Variants in VTI1A observed in about 807,000 individuals in gnomAD.
VTI1A encodes the protein vesicle transport through interaction with t-SNAREs 1A.
VTI1A carries 22 observed loss-of-function variants against 34.9 expected under a neutral mutation model. That is an observed-to-expected ratio of 0.63 (90% CI 0.45 to 0.90). The LOEUF (loss-of-function observed/expected upper bound fraction) is 0.90, where lower values mean the gene tolerates loss of function less well. Among genes scored for constraint, VTI1A ranks in the 40% least tolerant of loss-of-function variants. The pLI, the probability that VTI1A is intolerant of heterozygous loss-of-function variation, is 0.00. For missense variants in VTI1A, 268 were observed against 275.6 expected (o/e 0.97, Z 0.20); for synonymous variants, 87 against 97.3 (o/e 0.89, Z 0.62).
chr10:112,804,806 CACCACATAAT>C (rs1279433940), intron 7 of VTI1A, among the ~76,000 whole-genome samples: 1 of 151,406 alleles, frequency 6.6e-6, no homozygotes, highest in African/African-American at 2.4e-5. Context: ...TGTCGAAGAC[CACCACATAAT>C]TTAACCAAGG....
chr10:112,482,296 C>A (rs941261095), intron 3 of VTI1A, among the ~76,000 whole-genome samples: 1 of 152,080 alleles, frequency 6.6e-6, no homozygotes, highest in Non-Finnish European at 1.5e-5. Flanking sequence ...TGTGTAATTT[C>A]AAAATGTTTT....
chr10:112,755,500 C>T (rs564587855), intron 7 of VTI1A, among the ~76,000 whole-genome samples: 1 of 152,252 alleles, frequency 6.6e-6, no homozygotes, highest in East Asian at 1.9e-4. Context: ...TTATAACTTA[C>T]CAGGGTCTGC....
At chr10:112,677,234 T>A (rs558039033) in intron 7 of VTI1A, among the ~76,000 whole-genome samples, 2 of 152,074 alleles carry the variant, frequency 1.3e-5, no homozygotes, top group African/African-American at 4.8e-5. Context: ...ACAACAGATG[T>A]TACCTTTGGA....
At chr10:112,701,296 G>A (rs1849001258) in intron 7 of VTI1A, among the ~76,000 whole-genome samples, 1 of 152,194 alleles carries the variant, frequency 6.6e-6, no homozygotes, top group South Asian at 2.1e-4. Flanking sequence ...GATCAGCCAG[G>A]AATAGCAACA....
intron 3 of VTI1A, among the ~76,000 whole-genome samples, chr10:112,488,929 T>C (rs747120121): frequency 4.6e-5 from 7 of 152,218 alleles, no homozygotes; most frequent in African/African-American, 1.4e-4. Context: ...AACTCTTTGA[T>C]GTCATCCTTT....
At chr10:112,800,869 G>A (rs1403407214) in intron 7 of VTI1A, among the ~76,000 whole-genome samples, 12 of 152,180 alleles carry the variant, frequency 7.9e-5, no homozygotes, top group Admixed American at 7.9e-4. Flanking sequence ...CACTAAAACA[G>A]TCAAGAGGAT....
chr10:112,807,265 T>G (rs1361369845), intron 7 of VTI1A, among the ~76,000 whole-genome samples: 2 of 152,218 alleles, frequency 1.3e-5, no homozygotes, highest in African/African-American at 4.8e-5. Context: ...GTATTCATTT[T>G]CCAGGGCTGC....
chr10:112,512,748 A>G (rs1849656215), intron 3 of VTI1A, among the ~76,000 whole-genome samples: 2 of 152,140 alleles, frequency 1.3e-5, no homozygotes, highest in South Asian at 4.1e-4. Context: ...GTACAGTTTC[A>G]TTCTTCTACA....
chr10:112,774,790 G>A (rs2134027311), intron 7 of VTI1A, among the ~76,000 whole-genome samples: 1 of 152,312 alleles, frequency 6.6e-6, no homozygotes, highest in African/African-American at 2.4e-5. Context: ...AACACAATTA[G>A]CAGTCCCAGA....
At chr10:112,695,175 C>G (rs146638385) in intron 7 of VTI1A, among the ~76,000 whole-genome samples, 1 of 152,024 alleles carries the variant, frequency 6.6e-6, no homozygotes, top group Non-Finnish European at 1.5e-5. Context: ...TAGTACCTAC[C>G]TTGAACTTTG....
chr10:112,656,892 G>A (rs999360230), intron 5 of VTI1A, among the ~76,000 whole-genome samples: 1 of 152,128 alleles, frequency 6.6e-6, no homozygotes, highest in South Asian at 2.1e-4. Flanking sequence ...GTTTCTCATG[G>A]TTTAGTGCCA....
intron 3 of VTI1A, among the ~76,000 whole-genome samples, chr10:112,476,512 A>G (rs1278516592): frequency 6.6e-6 from 1 of 152,194 alleles, no homozygotes; most frequent in Non-Finnish European, 1.5e-5. Context: ...AACATTAAAG[A>G]AGAAACAGTG....
intron 7 of VTI1A, among the ~76,000 whole-genome samples, chr10:112,742,314 A>G (rs1288677891): frequency 6.6e-6 from 1 of 152,182 alleles, no homozygotes; most frequent in Non-Finnish European, 1.5e-5. Context: ...TTTTTCAACT[A>G]AAGCAATCCT....
chr10:112,807,780 G>A (rs760859969), intron 7 of VTI1A, among the ~76,000 whole-genome samples: 19 of 152,144 alleles, frequency 1.2e-4, no homozygotes, highest in African/African-American at 1.4e-4. Context: ...TTGAACCTGG[G>A]AGGCGGAGAT....
At chr10:112,596,061 G>A (rs1844625925) in intron 5 of VTI1A, among the ~76,000 whole-genome samples, 1 of 150,036 alleles carries the variant, frequency 6.7e-6, no homozygotes, top group African/African-American at 2.5e-5. Flanking sequence ...CTATCGCAAG[G>A]ACAAAAAACC....
At chr10:112,652,286 G>A (rs1420273172) in intron 5 of VTI1A, among the ~76,000 whole-genome samples, 1 of 152,142 alleles carries the variant, frequency 6.6e-6, no homozygotes, top group Non-Finnish European at 1.5e-5. Context: ...AGACTAGAGC[G>A]GTACACTTCA....
intron 5 of VTI1A, among the ~76,000 whole-genome samples, chr10:112,545,966 G>A (rs528630682): frequency 1.1e-4 from 16 of 150,596 alleles, no homozygotes; most frequent in Non-Finnish European, 2.2e-4. Context: ...GTGTATATAC[G>A]TGTATACACG....
At chr10:112,722,328 G>C (rs1177453597) in intron 7 of VTI1A, among the ~76,000 whole-genome samples, 2 of 152,034 alleles carry the variant, frequency 1.3e-5, no homozygotes, top group African/African-American at 4.8e-5. Context: ...CTTGGACACA[G>C]GGTGAGGGAC....
intron 5 of VTI1A, among the ~76,000 whole-genome samples, chr10:112,587,265 A>G (rs1020189927): frequency 2.3e-4 from 35 of 152,264 alleles, no homozygotes; most frequent in African/African-American, 7.9e-4. Context: ...CCAAAGATTC[A>G]TTTCACAAAT....
Sources: gnomAD v4.1 joint callset for allele counts (sites outside exome capture counted in the v4.1 genomes callset) on GRCh38, gnomAD v4.1.1 for gene constraint, MANE v1.5 for transcripts, NCBI Gene and HGNC (gene_info 2026-07-23, HGNC 2026-07-21) for gene names.